The following DLG2 variants were observed in gnomAD, a reference collection of about 807,000 sequenced individuals.
The protein encoded by DLG2 is disks large homolog 2.
A neutral mutation model predicts 132.5 loss-of-function variants in DLG2; 45 were observed. The ratio of observed to expected loss-of-function variants is 0.34; its 90% CI spans 0.27 to 0.44. The LOEUF (loss-of-function observed/expected upper bound fraction) is 0.44, where lower values mean the gene tolerates loss of function less well. Ranked by LOEUF, DLG2 falls within the 20% of genes least tolerant of loss-of-function variation. The pLI, the probability that DLG2 is intolerant of heterozygous loss-of-function variation, is 1.00. For synonymous variants in DLG2, 424 were observed against 419.6 expected (o/e 1.01, Z -0.13); for missense variants, 1,045 against 1,196.9 (o/e 0.87, Z 1.87).
At position 84,160,882 on chromosome 11, in the gene DLG2, C is replaced by T. The variant is rs192888013; in HGVS notation, c.624+2579G>A. Reference sequence around the variant, plus strand: ...TTTCATTTGATTGCTTGGATTTTCTCAAAAACATATTAAGGCAGGTCAACA... The same window carrying T: ...TTTCATTTGATTGCTTGGATTTTCTTAAAAACATATTAAGGCAGGTCAACA... On this transcript the variant is annotated intron_variant, in intron 9 of 27. Transcript: ENST00000376104. Among the ~76,000 whole-genome samples, 439 of 152,082 alleles carry T rather than the reference C, an allele frequency of 2.9e-3. 4 individuals are homozygous for T. Among genetic ancestry groups the T allele is most frequent in the African/African-American group, 0.01 (429 of 41,498 alleles).
At chr11:84,708,667 A>T (rs533971372) in intron 6 of DLG2, among the ~76,000 whole-genome samples, 1 of 151,870 alleles carries the variant, frequency 6.6e-6, no homozygotes, top group African/African-American at 2.4e-5. Context: ...ATCCCCACTC[A>T]TACTGCTGTA....
intron 11 of DLG2, among the ~76,000 whole-genome samples, chr11:84,043,364 T>C (rs1321982164): frequency 6.6e-6 from 1 of 151,692 alleles, no homozygotes; most frequent in African/African-American, 2.4e-5. Flanking sequence ...GAAAGAGTGA[T>C]ATGTTTTTTG....
chr11:84,230,365 G>A (rs1003064445), intron 8 of DLG2, among the ~76,000 whole-genome samples: 1 of 152,110 alleles, frequency 6.6e-6, no homozygotes, highest in Non-Finnish European at 1.5e-5. Flanking sequence ...CTCCATGAGG[G>A]AGGGGCAATG....
intron 6 of DLG2, among the ~76,000 whole-genome samples, chr11:84,914,684 T>C (rs2092340818): frequency 6.6e-6 from 1 of 152,190 alleles, no homozygotes; most frequent in Non-Finnish European, 1.5e-5. Flanking sequence ...TGCAAAGCAG[T>C]CCTTTCGAGG....
intron 4 of DLG2, among the ~76,000 whole-genome samples, chr11:85,197,200 T>G (rs2081133978): frequency 6.6e-6 from 1 of 152,188 alleles, no homozygotes; most frequent in East Asian, 1.9e-4. Context: ...TTGCCCTTTA[T>G]AGTTGACATA....
At chr11:85,519,118 G>A (rs2094227451) in intron 3 of DLG2, among the ~76,000 whole-genome samples, 1 of 152,146 alleles carries the variant, frequency 6.6e-6, no homozygotes, top group Admixed American at 6.5e-5. Flanking sequence ...GGAAATGTGA[G>A]GTTGGAGGCC....
intron 21 of DLG2, among the ~76,000 whole-genome samples, chr11:83,492,586 CAAAT>C (rs139834541): frequency 6.6e-6 from 1 of 151,968 alleles, no homozygotes; most frequent in African/African-American, 2.4e-5. Context: ...CCTCAACAAG[CAAAT>C]AAACACCAAG....
At chr11:85,542,967 G>T (rs905645387) in intron 3 of DLG2, among the ~76,000 whole-genome samples, 1 of 152,120 alleles carries the variant, frequency 6.6e-6, no homozygotes, top group Non-Finnish European at 1.5e-5. Context: ...CTGTTGCTAG[G>T]TGTAGCTATA....
intron 18 of DLG2, among the ~76,000 whole-genome samples, chr11:83,655,549 T>C (rs1470201313): frequency 1.3e-5 from 2 of 152,334 alleles, no homozygotes; most frequent in Middle Eastern, 3.4e-3. Context: ...GCACTTTCTC[T>C]GTAACCCTGA....
chr11:85,114,268 C>T (rs955087481), intron 5 of DLG2, among the ~76,000 whole-genome samples: 10 of 151,920 alleles, frequency 6.6e-5, no homozygotes, highest in African/African-American at 2.2e-4. Flanking sequence ...AGGTCAGCTC[C>T]TTAGAAGCCC....
At chr11:84,704,131 G>T (rs971285391) in intron 6 of DLG2, among the ~76,000 whole-genome samples, 1 of 151,068 alleles carries the variant, frequency 6.6e-6, no homozygotes. Context: ...TTGAAGACAA[G>T]TCTTCAGGAA....
intron 15 of DLG2, among the ~76,000 whole-genome samples, chr11:83,881,620 C>T (rs2066291251): frequency 2.0e-5 from 3 of 152,130 alleles, no homozygotes; most frequent in Non-Finnish European, 2.9e-5. Context: ...CCACAAGTTG[C>T]GCTGTTGAGC....
intron 4 of DLG2, among the ~76,000 whole-genome samples, chr11:85,228,198 G>C (rs1413945992): frequency 6.6e-6 from 1 of 152,040 alleles, no homozygotes; most frequent in African/African-American, 2.4e-5. Flanking sequence ...CATAGTAGAA[G>C]CTCAATGAAA....
At chr11:85,073,722 C>T (rs919781670) in intron 6 of DLG2, among the ~76,000 whole-genome samples, 1 of 151,780 alleles carries the variant, frequency 6.6e-6, no homozygotes, top group Non-Finnish European at 1.5e-5. Flanking sequence ...TATTGAATTA[C>T]CATTCAACCC....
intron 6 of DLG2, among the ~76,000 whole-genome samples, chr11:85,033,186 T>C (rs1279902884): frequency 6.6e-6 from 1 of 152,204 alleles, no homozygotes; most frequent in African/African-American, 2.4e-5. Context: ...CTAGTAATTT[T>C]ATTACTATAA....
Position 84,534,766 on chromosome 11 carries a change from A to G in DLG2, c.358-35T>C, listed in dbSNP as rs746797946. The G allele has an allele frequency of 3.7e-6, 6 of 1,606,612 alleles. No individual in the cohort carries two copies. In the African/African-American group the frequency reaches 6.7e-5, roughly 18 times the overall value. Reference sequence around the variant, plus strand: ...AAGAAAAGAAAGGACAAGTATGTATATATCAGTGTTTGTAAAGGATATAGA... The same window carrying G: ...AAGAAAAGAAAGGACAAGTATGTATGTATCAGTGTTTGTAAAGGATATAGA... On this transcript the variant is annotated intron_variant, in intron 6 of 27. Transcript: ENST00000376104.
intron 7 of DLG2, among the ~76,000 whole-genome samples, chr11:84,444,177 C>T (rs2099025806): frequency 6.6e-6 from 1 of 152,024 alleles, no homozygotes; most frequent in African/African-American, 2.4e-5. Flanking sequence ...CACATGGACA[C>T]ATGGTTGGGG....
intron 7 of DLG2, among the ~76,000 whole-genome samples, chr11:84,473,376 G>T (rs2099113557): frequency 6.6e-6 from 1 of 151,962 alleles, no homozygotes; most frequent in Non-Finnish European, 1.5e-5. Flanking sequence ...TCTGCAGAAT[G>T]ACATGAAGCT....
intron 18 of DLG2, among the ~76,000 whole-genome samples, chr11:83,696,155 G>C (rs997128263): frequency 4.6e-5 from 7 of 152,168 alleles, no homozygotes; most frequent in African/African-American, 1.7e-4. Flanking sequence ...GAACAGTTAG[G>C]AGGCAATGGC....
Sources: gnomAD v4.1 joint callset for allele counts (sites outside exome capture counted in the v4.1 genomes callset) on GRCh38, gnomAD v4.1.1 for gene constraint, MANE v1.5 for transcripts, NCBI Gene and HGNC (gene_info 2026-07-23, HGNC 2026-07-21) for gene names.